Variants in TRPC5 observed in about 807,000 individuals in gnomAD.
TRPC5 encodes short transient receptor potential channel 5.
TRPC5 carries 9 observed loss-of-function variants against 56.5 expected under a neutral mutation model. The observed-to-expected ratio is 0.16, with a 90% CI of 0.10 to 0.28. The LOEUF is 0.28. TRPC5 is among the 10% of genes least tolerant of loss of function. The pLI is 1.00. For synonymous variants in TRPC5, 282 were observed against 278.5 expected, an observed-to-expected ratio of 1.01 and a Z score of -0.13; for missense variants, 469 against 748.9, an observed-to-expected ratio of 0.63 and a Z score of 4.36.
intron 1 of TRPC5, among the ~76,000 whole-genome samples, chrX:111,987,349 TA>T (rs1928238537): frequency 9.0e-6 from 1 of 111,679 alleles, no homozygotes; most frequent in Non-Finnish European, 1.9e-5. Flanking sequence ...CTTTCTTCTT[TA>T]TTTTTTTTGT....
intron 2 of TRPC5, among the ~76,000 whole-genome samples, chrX:111,936,252 G>A (rs1343379543): frequency 9.0e-6 from 1 of 110,981 alleles, no homozygotes; most frequent in East Asian, 2.8e-4. Context: ...TTTTCAGATT[G>A]TTTGCTGTTG....
intron 3 of TRPC5, among the ~76,000 whole-genome samples, chrX:111,875,250 G>A (rs185266710): frequency 2.4e-3 from 264 of 112,248 alleles, no homozygotes; most frequent in African/African-American, 8.3e-3. Context: ...GAATGTGGCT[G>A]TGTGCCTGGC....
chrX:111,839,233 C>T (rs1922654954), intron 6 of TRPC5, among the ~76,000 whole-genome samples: 1 of 111,508 alleles, frequency 9.0e-6, no homozygotes, highest in Non-Finnish European at 1.9e-5. Flanking sequence ...CTTTGAGGCT[C>T]AGTTGAAGCC....
chrX:112,056,090 T>G (rs1930335414), intron 1 of TRPC5, among the ~76,000 whole-genome samples: 1 of 111,643 alleles, frequency 9.0e-6, no homozygotes, highest in Admixed American at 9.5e-5. Flanking sequence ...ATATTGACCC[T>G]TTTCACAAAG....
chrX:111,867,716 C>T (rs1288731564), intron 3 of TRPC5, among the ~76,000 whole-genome samples: 1 of 111,930 alleles, frequency 8.9e-6, no homozygotes, highest in Non-Finnish European at 1.9e-5. Flanking sequence ...TCCGTCCCTG[C>T]TAAAATTTAC....
chrX:112,001,902 C>CTTG (rs1928706884), intron 1 of TRPC5, among the ~76,000 whole-genome samples: 3 of 111,909 alleles, frequency 2.7e-5, no homozygotes, highest in Non-Finnish European at 5.6e-5. Context: ...AAAATGAATC[C>CTTG]TTGATTTCTT....
intron 2 of TRPC5, among the ~76,000 whole-genome samples, chrX:111,938,556 AG>A (rs1320448755): frequency 9.0e-6 from 1 of 111,236 alleles, no homozygotes; most frequent in East Asian, 2.8e-4. Context: ...TTTAGCATGA[AG>A]GGTTGTTGAA....
intron 1 of TRPC5, among the ~76,000 whole-genome samples, chrX:112,046,992 G>A (rs774556091): frequency 1.1e-4 from 12 of 111,482 alleles, no homozygotes; most frequent in Non-Finnish European, 1.9e-4. Context: ...TTCCTTGGCC[G>A]TCCATCCCAC....
intron 1 of TRPC5, among the ~76,000 whole-genome samples, chrX:112,047,000 C>T (rs986297286): frequency 1.8e-5 from 2 of 111,713 alleles, no homozygotes; most frequent in Admixed American, 9.5e-5. Flanking sequence ...CCGTCCATCC[C>T]ACTTTGAGAA....
chrX:111,913,241 C>T (rs1387125921), intron 2 of TRPC5, among the ~76,000 whole-genome samples: 1 of 111,437 alleles, frequency 9.0e-6, no homozygotes, highest in Non-Finnish European at 1.9e-5. Flanking sequence ...CTGGAGAATA[C>T]AGAGAAGTAA....
chrX:111,856,792 C>A (rs928377942), intron 3 of TRPC5, among the ~76,000 whole-genome samples: 1 of 97,125 alleles, frequency 1.0e-5, no homozygotes. Context: ...GCACTCCAGG[C>A]TGGGCAGCAG....
chrX:111,983,375 G>A (rs1928131517), intron 1 of TRPC5, among the ~76,000 whole-genome samples: 1 of 111,435 alleles, frequency 9.0e-6, no homozygotes, highest in African/African-American at 3.3e-5. Flanking sequence ...GCTGAGTAAA[G>A]AGCCTGACTG....
chrX:111,841,709 GTGTT>G (rs1046594703), intron 6 of TRPC5, among the ~76,000 whole-genome samples: 94 of 110,888 alleles, frequency 8.5e-4, no homozygotes, highest in African/African-American at 3.0e-3. Flanking sequence ...ACAATCTCTG[GTGTT>G]TGTTTGTTTG....
chrX:112,018,861 T>A (rs1016532878), intron 1 of TRPC5, among the ~76,000 whole-genome samples: 4 of 111,741 alleles, frequency 3.6e-5, no homozygotes, highest in African/African-American at 1.3e-4. Flanking sequence ...CAGAATTTGG[T>A]TTTCTTCTAG....
At chrX:111,844,018 C>T (rs1183690480) in intron 6 of TRPC5, among the ~76,000 whole-genome samples, 1 of 108,801 alleles carries the variant, frequency 9.2e-6, no homozygotes, top group African/African-American at 3.4e-5. Context: ...GAGTGACACA[C>T]TTGATGATGT....
chrX:112,076,215 G>C (rs1300312853), intron 1 of TRPC5, among the ~76,000 whole-genome samples: 1 of 111,335 alleles, frequency 9.0e-6, no homozygotes, highest in Non-Finnish European at 1.9e-5. Flanking sequence ...GGGGAAGCTG[G>C]AGGTCTGGAA....
rs149492696 is a variant in TRPC5, at chrX:111,935,571, A to G, written c.378+16472T>C. On this transcript the variant is annotated intron_variant, in intron 2 of 10. Coordinates refer to ENST00000262839, the MANE Select transcript of TRPC5 (RefSeq NM_012471.3). ...GACCAATGTCTTGAAGAGTTTTCCC[A>G]ATGTTTTTTCATGGTAGTTTCATAG... Among the ~76,000 whole-genome samples the G allele has an allele frequency of 6.7e-3, 746 of 111,697 alleles. 4 individuals are homozygous for G. Among genetic ancestry groups the G allele is most frequent in the African/African-American group, 0.023 (695 of 30,739 alleles).
intron 1 of TRPC5, among the ~76,000 whole-genome samples, chrX:112,032,118 C>G (rs143460571): frequency 9.0e-6 from 1 of 110,738 alleles, no homozygotes; most frequent in Non-Finnish European, 1.9e-5. Context: ...TAAAGACATA[C>G]AGGTGGCCAA....
At chrX:111,844,627 G>A (rs1259667884) in intron 6 of TRPC5, among the ~76,000 whole-genome samples, 3 of 108,338 alleles carry the variant, frequency 2.8e-5, no homozygotes, top group Non-Finnish European at 3.8e-5. Flanking sequence ...CACCACACCC[G>A]GCTAATTGTG....
Sources: gnomAD v4.1 joint callset for allele counts (sites outside exome capture counted in the v4.1 genomes callset) on GRCh38, gnomAD v4.1.1 for gene constraint, MANE v1.5 for transcripts, NCBI Gene and HGNC (gene_info 2026-07-23, HGNC 2026-07-21) for gene names.